The following ST3GAL1 variants were observed in gnomAD, a reference collection of about 807,000 sequenced individuals.
ST3GAL1 encodes the protein ST3 beta-galactoside alpha-2,3-sialyltransferase 1, also known as CMP-N-acetylneuraminate-beta-galactosamide-alpha-2,3-sialyltransferase 1.
In ST3GAL1, 16 loss-of-function variants were observed where a neutral mutation model predicts 34.1. The ratio of observed to expected loss-of-function variants is 0.47; its 90% CI spans 0.32 to 0.71. The LOEUF (loss-of-function observed/expected upper bound fraction) is 0.71, where lower values mean the gene tolerates loss of function less well. ST3GAL1 is among the 30% of genes least tolerant of loss of function. ST3GAL1 has a pLI of 0.04. For synonymous variants in ST3GAL1, 191 were observed against 184.7 expected (o/e 1.03, Z -0.28); for missense variants, 353 against 447.4 (o/e 0.79, Z 1.90).
At chr8:133,555,494 T>C (rs570338589) in intron 1 of ST3GAL1, among the ~76,000 whole-genome samples, 12 of 152,202 alleles carry the variant, frequency 7.9e-5, no homozygotes, top group South Asian at 2.1e-4. Context: ...ACCCGCACCA[T>C]TGATGGGACA....
At chr8:133,549,270 C>G (rs1052793509) in intron 1 of ST3GAL1, among the ~76,000 whole-genome samples, 7 of 152,030 alleles carry the variant, frequency 4.6e-5, no homozygotes, top group Non-Finnish European at 1.0e-4. Context: ...GGCGTGGTGG[C>G]ACACGCCTGT....
In ST3GAL1 at chr8:133,546,478, C is replaced by CA. The variant is rs10553471; in HGVS notation, c.-581-553dup. Among the ~76,000 whole-genome samples the CA allele has an allele frequency of 3.2e-3, 365 of 114,704 alleles. 4 individuals carry two copies. The highest frequency in any genetic ancestry group is 0.012 in the South Asian group (43 of 3,534). The allele number at this position is 114,704 out of a possible 152,430, so 75.3% of individuals were successfully genotyped here. The stretch of plus-strand genomic sequence containing the variant: ...AGCCAGGGACAGAGAGAGACTCCGT[C>CA]AAAAAAAAAAAAAAAAAAAGGACAA... On this transcript the variant is annotated intron_variant, in intron 1 of 9. Transcript: ENST00000522652.
intron 5 of ST3GAL1, among the ~76,000 whole-genome samples, chr8:133,468,396 A>T (rs1815826668): frequency 6.6e-6 from 1 of 152,218 alleles, no homozygotes; most frequent in Admixed American, 6.5e-5. Context: ...GATTCCACTT[A>T]TGTGAGGTAC....
rs1049206485 is a variant in ST3GAL1 at position 133,456,357 on chromosome 8, G to A, written c.*3407C>T. On this transcript the variant is annotated 3_prime_UTR_variant, in exon 10 of 10. Coordinates refer to ENST00000522652, the MANE Select transcript of ST3GAL1 (RefSeq NM_173344.3). ...TCATCAGCCCATCTTTGTAGCTTCA[G>A]GTTCAGCTCTGGGTGCTGCAGGCAG... is the stretch of plus-strand genomic sequence containing the variant. 2.0e-5 allele frequency: 3 copies of A among 152,282 alleles called. No individual in the cohort carries two copies. The highest frequency in any genetic ancestry group is 7.2e-5 in the African/African-American group (3 of 41,464). 9.4% of individuals were successfully genotyped at this position (152,282 alleles called of 1,614,324 possible).
At chr8:133,491,256 T>TC (rs1410535810) in intron 3 of ST3GAL1, among the ~76,000 whole-genome samples, 3,903 of 123,096 alleles carry the variant, frequency 0.032, no homozygotes, top group Middle Eastern at 0.059. Context: ...GATCGAGGAG[T>TC]GCTACATTTG....
chr8:133,463,579 T>C (rs991232196), intron 7 of ST3GAL1, 120 bp from the exon 8 acceptor site: 6 of 1,085,336 alleles, frequency 5.5e-6, no homozygotes, highest in South Asian at 1.4e-5. Context: ...CTGCCCCCCA[T>C]AGCTTCCCTC....
At chr8:133,491,323 G>T (rs1165673561) in intron 3 of ST3GAL1, among the ~76,000 whole-genome samples, 3 of 151,830 alleles carry the variant, frequency 2.0e-5, no homozygotes, top group African/African-American at 7.3e-5. Context: ...GGAATTCCAG[G>T]GGTTGCACTA....
chr8:133,506,902 A>C (rs1817359434), intron 2 of ST3GAL1, among the ~76,000 whole-genome samples: 1 of 151,798 alleles, frequency 6.6e-6, no homozygotes, highest in Admixed American at 6.6e-5. Context: ...ATCCTGGCGA[A>C]CACGGTGAAA....
chr8:133,555,976 C>G (rs13251653), intron 1 of ST3GAL1, among the ~76,000 whole-genome samples: 8 of 152,308 alleles, frequency 5.3e-5, no homozygotes, highest in African/African-American at 1.7e-4. Context: ...TCACTGCAAC[C>G]TCCGCCTCCC....
At position 133,508,200 on chromosome 8, in the gene ST3GAL1, T is replaced by C. The variant is rs1478267936; in HGVS notation, c.-428-9011A>G. ...CTCTTCCCTACTGCCACCTGGAGTC[T>C]GATTCAAACACCAAACTACCTGGAC... On this transcript the variant is annotated intron_variant, in intron 2 of 9. Coordinates refer to ENST00000522652, the MANE Select transcript of ST3GAL1 (RefSeq NM_173344.3). This position sits in a 1 kb window ranked among gnomAD's most constrained non-coding sequence, Gnocchi z 4.1. Among the ~76,000 whole-genome samples, 1 of 152,262 alleles carries C rather than the reference T, an allele frequency of 6.6e-6. No homozygotes were observed. The highest frequency in any genetic ancestry group is 1.5e-5 in the Non-Finnish European group (1 of 68,046).
chr8:133,561,926 G>A (rs1385657589), intron 1 of ST3GAL1, among the ~76,000 whole-genome samples: 2 of 151,964 alleles, frequency 1.3e-5, no homozygotes, highest in African/African-American at 4.8e-5. Context: ...TGAAGGTCTG[G>A]GCTTATCCCT....
chr8:133,532,269 C>T (rs1469183305), intron 2 of ST3GAL1, among the ~76,000 whole-genome samples: 4 of 151,940 alleles, frequency 2.6e-5, no homozygotes, highest in East Asian at 1.9e-4. Context: ...GTCAGGAGTT[C>T]GAGACCAGCC....
At chr8:133,521,790 A>C (rs887511537) in intron 2 of ST3GAL1, among the ~76,000 whole-genome samples, 1 of 152,282 alleles carries the variant, frequency 6.6e-6, no homozygotes, top group Non-Finnish European at 1.5e-5. Flanking sequence ...GGAAACGAAA[A>C]GAGAAAAGCA....
At chr8:133,569,901 C>T (rs1819515601) in intron 1 of ST3GAL1, among the ~76,000 whole-genome samples, 1 of 152,236 alleles carries the variant, frequency 6.6e-6, no homozygotes, top group Admixed American at 6.5e-5. Flanking sequence ...AGAGCCCCCG[C>T]ACGTAGTAGG....
chr8:133,559,200 C>T (rs1359292727), intron 1 of ST3GAL1, among the ~76,000 whole-genome samples: 1 of 152,114 alleles, frequency 6.6e-6, no homozygotes, highest in Non-Finnish European at 1.5e-5. Flanking sequence ...TATCAGTTAC[C>T]CTATGGTGAA....
chr8:133,546,872 G>A (rs1161842103), intron 1 of ST3GAL1, among the ~76,000 whole-genome samples: 1 of 152,114 alleles, frequency 6.6e-6, no homozygotes, highest in Non-Finnish European at 1.5e-5. Context: ...GGTGGCACAT[G>A]GCGCATGCCT....
chr8:133,517,428 C>T (rs1238533956), intron 2 of ST3GAL1, among the ~76,000 whole-genome samples: 1 of 152,216 alleles, frequency 6.6e-6, no homozygotes. Context: ...CAGTTCACTG[C>T]AACCTCTGCC....
Position 133,498,749 on chromosome 8 carries a change from C to T in ST3GAL1, c.-374+386G>A, listed in dbSNP as rs532566553. Among the ~76,000 whole-genome samples, 124 of 152,344 alleles carry T rather than the reference C, an allele frequency of 8.1e-4. 1 individual carries two copies. Among genetic ancestry groups the T allele is most frequent in the African/African-American group, 2.3e-3 (97 of 41,578 alleles). On this transcript the variant is annotated intron_variant, in intron 3 of 9. Coordinates refer to ENST00000522652, the MANE Select transcript of ST3GAL1 (RefSeq NM_173344.3). ...AGAATGTGAGGCACACAGCACACGA[C>T]GAGGCACCTGGGCCCTGCTGTGGGG...
chr8:133,527,983 C>T (rs1362728194), intron 2 of ST3GAL1, among the ~76,000 whole-genome samples: 2 of 150,098 alleles, frequency 1.3e-5, no homozygotes, highest in African/African-American at 2.5e-5. Context: ...GTATCCTGGC[C>T]AACATGGTGA....
Sources: gnomAD v4.1 joint callset for allele counts (sites outside exome capture counted in the v4.1 genomes callset) on GRCh38, gnomAD v4.1.1 for gene constraint, Gnocchi (gnomAD v3.1) non-coding constraint, MANE v1.5 for transcripts, NCBI Gene and HGNC (gene_info 2026-07-23, HGNC 2026-07-21) for gene names.